OPCML: variants seen among roughly 807,000 people sequenced by gnomAD.
The protein encoded by OPCML is opioid-binding protein/cell adhesion molecule.
In OPCML, 13 loss-of-function variants were observed where a neutral mutation model predicts 37.8. That is an observed-to-expected ratio of 0.34 (90% confidence interval 0.22 to 0.55). OPCML has a LOEUF of 0.55. Ranked by LOEUF, OPCML falls within the 20% of genes least tolerant of loss-of-function variation. The pLI, the probability that OPCML is intolerant of heterozygous loss-of-function variation, is 0.91. For missense variants in OPCML, 341 were observed against 435.6 expected (o/e 0.78, Z 1.93); for synonymous variants, 176 against 168.8 (o/e 1.04, Z -0.33).
intron 2 of OPCML, among the ~76,000 whole-genome samples, chr11:132,732,848 C>T (rs371585070): frequency 2.4e-4 from 37 of 152,104 alleles, no homozygotes; most frequent in African/African-American, 6.3e-4. Context: ...GTGACCACTA[C>T]GGAAGAAGCC....
chr11:132,484,434 T>A (rs1233490220), intron 4 of OPCML, among the ~76,000 whole-genome samples: 6 of 152,136 alleles, frequency 3.9e-5, no homozygotes, highest in Admixed American at 1.3e-4. Context: ...GCTGGAGAGC[T>A]TGTGGAGAAA....
intron 2 of OPCML, among the ~76,000 whole-genome samples, chr11:132,729,542 A>C (rs1220660622): frequency 6.6e-6 from 1 of 152,210 alleles, no homozygotes; most frequent in Non-Finnish European, 1.5e-5. Flanking sequence ...CCAGACAGGT[A>C]CATCGTCTGT....
At chr11:133,201,885 T>C (rs147036944) in intron 1 of OPCML, among the ~76,000 whole-genome samples, 72 of 152,322 alleles carry the variant, frequency 4.7e-4, no homozygotes, top group African/African-American at 1.7e-3. Context: ...TAGGTCAGTA[T>C]TTCATGCCAT....
chr11:133,044,864 C>A (rs893060497), intron 1 of OPCML, among the ~76,000 whole-genome samples: 1 of 152,086 alleles, frequency 6.6e-6, no homozygotes, highest in Non-Finnish European at 1.5e-5. Flanking sequence ...ATTCATGAAA[C>A]CCTGGTCAAA....
chr11:132,950,915 C>G (rs977578974), intron 1 of OPCML, among the ~76,000 whole-genome samples: 3 of 152,176 alleles, frequency 2.0e-5, no homozygotes, highest in African/African-American at 7.2e-5. Context: ...AACAGGAAAA[C>G]GCTGCTCACT....
chr11:133,346,232 C>T (rs943149893), intron 1 of OPCML, among the ~76,000 whole-genome samples: 2 of 152,142 alleles, frequency 1.3e-5, no homozygotes, highest in African/African-American at 2.4e-5. Flanking sequence ...GGCAAGAGGT[C>T]GGAGTCCCTA....
At chr11:132,637,447 T>A (rs983506625) in intron 3 of OPCML, among the ~76,000 whole-genome samples, 3 of 152,104 alleles carry the variant, frequency 2.0e-5, no homozygotes, top group Non-Finnish European at 4.4e-5. Context: ...TGGCCACAGT[T>A]ACTACTCTTG....
intron 1 of OPCML, among the ~76,000 whole-genome samples, chr11:133,264,542 C>T (rs960389326): frequency 2.6e-5 from 4 of 152,082 alleles, no homozygotes; most frequent in African/African-American, 9.7e-5. Context: ...TCTGTTCTGC[C>T]CAACAGTCCT....
At chr11:133,083,996 A>C (rs961217219) in intron 1 of OPCML, among the ~76,000 whole-genome samples, 1 of 152,056 alleles carries the variant, frequency 6.6e-6, no homozygotes, top group Non-Finnish European at 1.5e-5. Context: ...TTACTAATTG[A>C]CTTTTTGCAT....
At chr11:133,389,858 T>C (rs1328384731) in intron 1 of OPCML, among the ~76,000 whole-genome samples, 1 of 152,206 alleles carries the variant, frequency 6.6e-6, no homozygotes, top group East Asian at 1.9e-4. Context: ...CTACTACTAA[T>C]TGACAATGAA....
In OPCML at chr11:132,819,063, C is replaced by T. The variant is rs116800921; in HGVS notation, c.146+123863G>A. Among the ~76,000 whole-genome samples the T allele has an allele frequency of 8.0e-3, 1,175 of 147,606 alleles. 16 individuals carry two copies. The highest frequency in any genetic ancestry group is 0.028 in the African/African-American group (1,125 of 40,272). On this transcript the variant is annotated intron_variant, in intron 2 of 7. Coordinates refer to ENST00000524381, the MANE Select transcript of OPCML (RefSeq NM_001012393.5). ...GGGTCTACTTCTATTATTTTGTGTG[C>T]TATGTATGGATTATCAGTCATATTT...
intron 1 of OPCML, among the ~76,000 whole-genome samples, chr11:133,140,763 C>CGAG (rs138549636): frequency 2.0e-5 from 1 of 48,874 alleles, no homozygotes; most frequent in South Asian, 7.6e-4. Flanking sequence ...AAGAAGACGA[C>CGAG]GAAGAAGAAG....
intron 1 of OPCML, among the ~76,000 whole-genome samples, chr11:133,373,259 TC>T (rs1420886534): frequency 2.0e-5 from 3 of 151,550 alleles, no homozygotes; most frequent in Non-Finnish European, 4.4e-5. Context: ...AAGTTCCTGT[TC>T]CTTATGAAAA....
chr11:132,755,139 T>A (rs1470037169), intron 2 of OPCML, among the ~76,000 whole-genome samples: 1 of 152,200 alleles, frequency 6.6e-6, no homozygotes, highest in East Asian at 1.9e-4. Context: ...TATTGACAAT[T>A]TCCTATGGTT....
chr11:133,115,494 A>T (rs143868313), intron 1 of OPCML, among the ~76,000 whole-genome samples: 133 of 152,342 alleles, frequency 8.7e-4, no homozygotes, highest in Admixed American at 4.7e-3. Context: ...AATGTGATTA[A>T]CAAAACAAAC....
chr11:133,025,438 T>A, intron 1 of OPCML: 1 of 985,448 alleles, frequency 1.0e-6, no homozygotes, highest in South Asian at 4.7e-5. Flanking sequence ...TTTGGGTAAC[T>A]GTATTGAAGA....
chr11:132,436,844 G>C (rs1269116321), intron 5 of OPCML, 65 bp from the exon 6 acceptor site: 40 of 1,567,496 alleles, frequency 2.6e-5, no homozygotes, highest in Non-Finnish European at 3.5e-5. Flanking sequence ...GTGATTTCGT[G>C]AAAGAGATGA....
chr11:133,458,153 A>AATAT (rs35359072), intron 1 of OPCML, among the ~76,000 whole-genome samples: 1 of 141,900 alleles, frequency 7.0e-6, no homozygotes, highest in Non-Finnish European at 1.5e-5. Flanking sequence ...CTTGAGAAAA[A>AATAT]ATATATATAT....
chr11:132,788,028 A>G (rs187058130), intron 2 of OPCML, among the ~76,000 whole-genome samples: 7 of 151,976 alleles, frequency 4.6e-5, no homozygotes, highest in Admixed American at 2.0e-4. Flanking sequence ...CTACAGGCGC[A>G]CGCCACCATG....
Sources: gnomAD v4.1 joint callset for allele counts (sites outside exome capture counted in the v4.1 genomes callset) on GRCh38, gnomAD v4.1.1 for gene constraint, MANE v1.5 for transcripts, NCBI Gene and HGNC (gene_info 2026-07-23, HGNC 2026-07-21) for gene names.